IKZF3: variants seen among roughly 807,000 people sequenced by gnomAD.
IKZF3 encodes zinc finger protein Aiolos.
In IKZF3, 10 loss-of-function variants were observed where a neutral mutation model predicts 49.0. The ratio of observed to expected loss-of-function variants is 0.20; its 90% CI spans 0.13 to 0.35. The LOEUF is 0.35. Among genes scored for constraint, IKZF3 ranks in the 10% least tolerant of loss-of-function variants. The pLI is 1.00. For missense variants in IKZF3, 498 were observed against 664.8 expected (o/e 0.75, Z 2.76); for synonymous variants, 209 against 228.2 (o/e 0.92, Z 0.76).
In IKZF3 at chr17:39,771,862, C is replaced by A. The variant is rs376516476; in HGVS notation, c.827-5369G>T. Among the ~76,000 whole-genome samples the A allele has an allele frequency of 2.6e-4, 40 of 152,250 alleles. No homozygotes were observed. In the South Asian group the frequency reaches 7.9e-3, roughly 30 times the overall value. ...TCAAGTGATACTCCCACCTCAGCCCCCTAAGTAGCTGGGACCACAGGCCCA... is the reference window on the plus strand; with the variant it reads ...TCAAGTGATACTCCCACCTCAGCCCACTAAGTAGCTGGGACCACAGGCCCA... On this transcript the variant is annotated intron_variant, in intron 7 of 7. Coordinates refer to ENST00000346872, the MANE Select transcript of IKZF3 (RefSeq NM_012481.5).
At chr17:39,799,923 G>A (rs966544040) in intron 3 of IKZF3, among the ~76,000 whole-genome samples, 8 of 152,088 alleles carry the variant, frequency 5.3e-5, no homozygotes, top group Non-Finnish European at 8.8e-5. Context: ...CTACAGATCC[G>A]CTTTTATGTA....
intron 1 of IKZF3, among the ~76,000 whole-genome samples, chr17:39,846,410 G>A (rs1204175354): frequency 6.6e-6 from 1 of 150,884 alleles, no homozygotes; most frequent in Non-Finnish European, 1.5e-5. Context: ...ATTCGTTTTT[G>A]GCTTTTTAGA....
intron 5 of IKZF3, among the ~76,000 whole-genome samples, chr17:39,790,456 G>A (rs924983729): frequency 1.7e-4 from 26 of 152,220 alleles, no homozygotes; most frequent in African/African-American, 5.8e-4. Flanking sequence ...GGTTTTGTTG[G>A]GGCTGACTTG....
At chr17:39,820,408 A>AAGT (rs2061778531) in intron 3 of IKZF3, among the ~76,000 whole-genome samples, 1 of 152,204 alleles carries the variant, frequency 6.6e-6, no homozygotes, top group Admixed American at 6.5e-5. Flanking sequence ...AAAAGCCTGG[A>AAGT]AGTAAGTACT....
chr17:39,847,411 T>G (rs111960128), intron 1 of IKZF3, among the ~76,000 whole-genome samples: 4 of 152,310 alleles, frequency 2.6e-5, no homozygotes, highest in African/African-American at 9.6e-5. Context: ...CAGCCTCTGC[T>G]TGAACACTTC....
At chr17:39,777,541 A>G in intron 7 of IKZF3, 110 bp downstream of exon 7, 1 of 677,684 alleles carries the variant, frequency 1.5e-6, no homozygotes. Flanking sequence ...ATGAAAAACT[A>G]ATTATTTTAA....
chr17:39,831,210 C>T (rs1016127103), intron 2 of IKZF3, among the ~76,000 whole-genome samples: 4 of 151,940 alleles, frequency 2.6e-5, no homozygotes, highest in Non-Finnish European at 5.9e-5. Context: ...GGTGAAACCC[C>T]GCCTCTACTA....
chr17:39,804,195 C>G (rs1568000003), intron 3 of IKZF3, among the ~76,000 whole-genome samples: 2 of 152,068 alleles, frequency 1.3e-5, no homozygotes, highest in South Asian at 4.1e-4. Context: ...TCCCAACACT[C>G]CAGCACTTTG....
intron 7 of IKZF3, 23 bp from the exon 8 acceptor site, chr17:39,766,516 T>C: frequency 6.4e-7 from 1 of 1,572,824 alleles, no homozygotes; most frequent in African/African-American, 1.3e-5. Context: ...ACAGAAAGGG[T>C]TACAAAGGGA....
intron 1 of IKZF3, among the ~76,000 whole-genome samples, chr17:39,834,158 A>G (rs1277426771): frequency 6.6e-6 from 1 of 152,166 alleles, no homozygotes; most frequent in Non-Finnish European, 1.5e-5. Context: ...TCCTTGCACA[A>G]GTATTTCTGT....
intron 3 of IKZF3, among the ~76,000 whole-genome samples, chr17:39,797,191 A>G (rs2061188524): frequency 6.6e-6 from 1 of 151,782 alleles, no homozygotes; most frequent in African/African-American, 2.4e-5. Flanking sequence ...GACATAGGTA[A>G]GCTATGCTTA....
chr17:39,832,772 A>G (rs1424927830), intron 1 of IKZF3, among the ~76,000 whole-genome samples: 1 of 152,130 alleles, frequency 6.6e-6, no homozygotes, highest in Non-Finnish European at 1.5e-5. Flanking sequence ...TAAAACATAT[A>G]GTTACATAGA....
intron 3 of IKZF3, among the ~76,000 whole-genome samples, 159 bp from the exon 4 acceptor site, chr17:39,793,092 C>T (rs776098635): frequency 2.0e-5 from 3 of 152,156 alleles, no homozygotes; most frequent in Non-Finnish European, 2.9e-5. Context: ...CGTGACCGCA[C>T]GTTATTTAAA....
chr17:39,812,479 C>T (rs1038015060), intron 3 of IKZF3, among the ~76,000 whole-genome samples: 2 of 152,108 alleles, frequency 1.3e-5, no homozygotes, highest in African/African-American at 4.8e-5. Flanking sequence ...TATAAATACT[C>T]CACCATGGCC....
At position 39,762,425 on chromosome 17, in the gene IKZF3, C is replaced by G. The variant is rs1597927297; in HGVS notation, c.*3365G>C. 1 of 152,266 alleles carries G rather than the reference C, an allele frequency of 6.6e-6. No homozygotes were observed. Among genetic ancestry groups the G allele is most frequent in the African/African-American group, 2.4e-5 (1 of 41,536 alleles). The allele number at this position is 152,266 out of a possible 1,614,324, so 9.4% of individuals were successfully genotyped here. A position where few individuals can be genotyped will look rare whatever the true frequency, so the allele number is the denominator to read the frequency against. The stretch of plus-strand genomic sequence containing the variant: ...GGGCCCCAATCTAGGCTCAGAATGC[C>G]ACAAAGAAAGTGCCTTTGTGAGTGG... On this transcript the variant is annotated 3_prime_UTR_variant, in exon 8 of 8. Transcript: ENST00000346872.
chr17:39,775,940 A>G (rs2060574264), intron 7 of IKZF3, among the ~76,000 whole-genome samples: 1 of 139,044 alleles, frequency 7.2e-6, no homozygotes, highest in African/African-American at 2.5e-5. Context: ...AAAAAAAAAA[A>G]GAAAGAAAGA....
Position 39,864,209 on chromosome 17 carries a change from C to CA in IKZF3, c.-84dup. The CA allele has an allele frequency of 6.6e-7, 1 of 1,515,920 alleles. No homozygotes were observed. Among genetic ancestry groups the CA allele is most frequent in the South Asian group, 1.2e-5 (1 of 83,736 alleles). The allele number at this position is 1,515,920 out of a possible 1,614,324, so 93.9% of individuals were successfully genotyped here. ...CCTGCCGTCGCCTGGACTCAGCGCG[C>CA]AGCTGGCGGGAGATTCCCGGCGCGG... On this transcript the variant is annotated 5_prime_UTR_variant, in exon 1 of 8. Coordinates refer to ENST00000346872, the MANE Select transcript of IKZF3 (RefSeq NM_012481.5).
chr17:39,863,081 A>G (rs2063259487), intron 1 of IKZF3, among the ~76,000 whole-genome samples: 1 of 152,198 alleles, frequency 6.6e-6, no homozygotes, highest in South Asian at 2.1e-4. Flanking sequence ...CATAGTATAC[A>G]ACAGCCCAAC....
intron 7 of IKZF3, among the ~76,000 whole-genome samples, chr17:39,776,689 C>G (rs973271212): frequency 1.3e-5 from 2 of 152,206 alleles, no homozygotes; most frequent in Admixed American, 1.3e-4. Context: ...AAAACATTAT[C>G]TATACCAGAA....
Sources: gnomAD v4.1 joint callset for allele counts (sites outside exome capture counted in the v4.1 genomes callset) on GRCh38, gnomAD v4.1.1 for gene constraint, MANE v1.5 for transcripts, NCBI Gene and HGNC (gene_info 2026-07-23, HGNC 2026-07-21) for gene names.